Variants in TWIST2 observed in about 807,000 individuals in gnomAD.
The protein encoded by TWIST2 is twist family bHLH transcription factor 2.
In TWIST2, 1 loss-of-function variant was observed where a neutral mutation model predicts 11.6. The ratio of observed to expected loss-of-function variants is 0.09; its 90% CI spans 0.03 to 0.41. The LOEUF is 0.41. Ranked by LOEUF, TWIST2 falls within the 10% of genes least tolerant of loss-of-function variation. The pLI is 0.98. For synonymous variants in TWIST2, 87 were observed against 96.6 expected (o/e 0.90, Z 0.58); for missense variants, 168 against 226.4 (o/e 0.74, Z 1.66).
At chr2:238,897,090 C>G (rs1454519949) in intron 1 of TWIST2, among the ~76,000 whole-genome samples, 1 of 152,204 alleles carries the variant, frequency 6.6e-6, no homozygotes, top group Non-Finnish European at 1.5e-5. Flanking sequence ...ACAGAGCCTG[C>G]TTTCCATCCC....
chr2:238,890,847 G>T (rs74000310), intron 1 of TWIST2, among the ~76,000 whole-genome samples: 10,835 of 152,114 alleles, frequency 0.071, 493 homozygotes, highest in East Asian at 0.23. Flanking sequence ...TTCTCCCAGG[G>T]TCTGCCCTTC....
intron 1 of TWIST2, among the ~76,000 whole-genome samples, chr2:238,908,524 G>A (rs886755957): frequency 2.6e-5 from 4 of 152,106 alleles, no homozygotes; most frequent in African/African-American, 7.2e-5. Flanking sequence ...ACACCCACAC[G>A]AGTGACATGT....
At chr2:238,909,036 T>G (rs1693407258) in intron 1 of TWIST2, among the ~76,000 whole-genome samples, 2 of 145,708 alleles carry the variant, frequency 1.4e-5, no homozygotes, top group African/African-American at 2.5e-5. Flanking sequence ...TGTGGTGTAT[T>G]CGTGGTTGTG....
intron 1 of TWIST2, among the ~76,000 whole-genome samples, chr2:238,890,381 A>G (rs749036268): frequency 1.3e-5 from 2 of 152,156 alleles, no homozygotes; most frequent in Non-Finnish European, 2.9e-5. Flanking sequence ...GCACCTCCCC[A>G]TCAGATCCTC....
chr2:238,857,733 T>A (rs1692356832), intron 1 of TWIST2, among the ~76,000 whole-genome samples: 1 of 152,044 alleles, frequency 6.6e-6, no homozygotes. Context: ...GGCCAGGAGT[T>A]CGAGACCAGC....
intron 1 of TWIST2, among the ~76,000 whole-genome samples, chr2:238,852,474 T>C (rs937817588): frequency 1.3e-5 from 2 of 152,132 alleles, no homozygotes; most frequent in African/African-American, 2.4e-5. Flanking sequence ...AAAGAAGAGA[T>C]GAATAAGTTA....
Position 238,861,748 on chromosome 2 carries a change from C to T in TWIST2, c.*35+13015C>T, listed in dbSNP as rs1692440888. 2.0e-5 allele frequency among the ~76,000 whole-genome samples: 3 copies of T among 152,200 alleles called. No individual in the cohort carries two copies. In the South Asian group the frequency reaches 6.2e-4, roughly 32 times the overall value. On this transcript the variant is annotated intron_variant, in intron 1 of 1. Coordinates refer to ENST00000612363, the MANE Select transcript of TWIST2 (RefSeq NM_001271893.4). ...TCCATGGTTTCGCTTTTCGAAGTTT[C>T]AATTACAGACAGTCAACCACAGTCC...
intron 1 of TWIST2, among the ~76,000 whole-genome samples, chr2:238,900,088 A>G (rs1280431117): frequency 6.6e-6 from 1 of 152,252 alleles, no homozygotes; most frequent in Non-Finnish European, 1.5e-5. Flanking sequence ...TAATTCTCTT[A>G]TAAAACAAGC....
chr2:238,870,545 A>C (rs1692656290), intron 1 of TWIST2, among the ~76,000 whole-genome samples: 1 of 118,796 alleles, frequency 8.4e-6, no homozygotes, highest in Non-Finnish European at 1.7e-5. Flanking sequence ...TACATACCCC[A>C]CACACCCCAC....
At chr2:238,879,297 T>G (rs1692863542) in intron 1 of TWIST2, among the ~76,000 whole-genome samples, 1 of 152,124 alleles carries the variant, frequency 6.6e-6, no homozygotes, top group Non-Finnish European at 1.5e-5. Context: ...ACATCAGAAG[T>G]GGATGACCTC....
At chr2:238,857,915 C>T (rs1356073157) in intron 1 of TWIST2, among the ~76,000 whole-genome samples, 1 of 152,050 alleles carries the variant, frequency 6.6e-6, no homozygotes, top group African/African-American at 2.4e-5. Flanking sequence ...CCAGCCTGAG[C>T]GACAAAGCGA....
In TWIST2 at chr2:238,866,524, G is replaced by T. The variant is rs1692537125; in HGVS notation, c.*35+17791G>T. On this transcript the variant is annotated intron_variant, in intron 1 of 1. Coordinates refer to ENST00000612363, the MANE Select transcript of TWIST2 (RefSeq NM_001271893.4). This position sits in a 1 kb window ranked among gnomAD's most constrained non-coding sequence, Gnocchi z 4.9. The stretch of plus-strand genomic sequence containing the variant: ...ATAGAAAAATTAGCTGGGCATGGTG[G>T]TGTGTGCCTGTAATCCCAGCTACCT... Among the ~76,000 whole-genome samples, 1 of 152,212 alleles carries T rather than the reference G, an allele frequency of 6.6e-6. No homozygotes were observed. The highest frequency in any genetic ancestry group is 1.5e-5 in the Non-Finnish European group (1 of 68,036).
chr2:238,896,173 G>A (rs1018422067), intron 1 of TWIST2, among the ~76,000 whole-genome samples: 1 of 152,206 alleles, frequency 6.6e-6, no homozygotes, highest in Non-Finnish European at 1.5e-5. Context: ...GGATCCGGAA[G>A]ACGGCTCCGC....
chr2:238,909,149 T>TGG, intron 1 of TWIST2, among the ~76,000 whole-genome samples: 1 of 5,708 alleles, frequency 1.8e-4, no homozygotes, highest in Non-Finnish European at 3.6e-4. Context: ...GTGGTATGTG[T>TGG]ATGTGGTGTG....
intron 1 of TWIST2, among the ~76,000 whole-genome samples, chr2:238,909,408 C>G (rs1022994686): frequency 2.0e-4 from 30 of 152,280 alleles, no homozygotes; most frequent in African/African-American, 7.0e-4. Context: ...GAACCCAGCC[C>G]TCTGCTGCCC....
intron 1 of TWIST2, among the ~76,000 whole-genome samples, chr2:238,870,357 A>AAC (rs1692644574): frequency 2.5e-3 from 1 of 400 alleles, no homozygotes; most frequent in South Asian, 0.071. Flanking sequence ...CACACACCCC[A>AAC]CACACACACC....
In TWIST2 at chr2:238,910,016, C is replaced by G. The variant is rs1693427298; in HGVS notation, c.*210C>G. The G allele has an allele frequency of 6.6e-6, 1 of 152,120 alleles. No individual in the cohort carries two copies. Among genetic ancestry groups the G allele is most frequent in the Non-Finnish European group, 1.5e-5 (1 of 68,014 alleles). The allele number at this position is 152,120 out of a possible 1,614,324, so 9.4% of individuals were successfully genotyped here. ...CTCCCGTCCTCCCCCAGGACGGTCC[C>G]CACATAGGAAGGGCACTCCCAGCCC... On this transcript the variant is annotated 3_prime_UTR_variant, in exon 2 of 2. Transcript: ENST00000612363.
chr2:238,908,361 TAC>T, intron 1 of TWIST2, among the ~76,000 whole-genome samples: 1 of 139,212 alleles, frequency 7.2e-6, no homozygotes, highest in East Asian at 2.3e-4. Context: ...ACACCCCACA[TAC>T]ACACAAACAC....
intron 1 of TWIST2, among the ~76,000 whole-genome samples, chr2:238,870,137 A>C (rs1411780957): frequency 6.9e-6 from 1 of 144,060 alleles, no homozygotes; most frequent in African/African-American, 2.6e-5. Flanking sequence ...CACACACACC[A>C]CACCCCATAC....
Sources: allele counts gnomAD v4.1 joint callset (sites outside exome capture counted in the v4.1 genomes callset), GRCh38; gene constraint gnomAD v4.1.1; non-coding constraint Gnocchi (gnomAD v3.1); transcripts MANE v1.5; gene names NCBI Gene and HGNC (gene_info 2026-07-23, HGNC 2026-07-21).